The following HPN variants were observed in gnomAD, a reference collection of about 807,000 sequenced individuals.
HPN encodes serine protease hepsin.
In HPN, 13 loss-of-function variants were observed where a neutral mutation model predicts 55.9. The observed-to-expected ratio is 0.23, with a 90% confidence interval of 0.15 to 0.37. The LOEUF (loss-of-function observed/expected upper bound fraction) is 0.37. Ranked by LOEUF, HPN falls within the 10% of genes least tolerant of loss-of-function variation. The pLI is 1.00. For synonymous variants in HPN, 225 were observed against 240.3 expected, an observed-to-expected ratio of 0.94 and a Z score of 0.59; for missense variants, 451 against 575.8, an observed-to-expected ratio of 0.78 and a Z score of 2.22.
chr19:35,042,419 C>T (rs2064303588), intron 1 of HPN, 34 bp from the exon 2 acceptor site: 4 of 1,538,908 alleles, frequency 2.6e-6, no homozygotes, highest in Non-Finnish European at 2.6e-6. Flanking sequence ...GCTGGGCTCC[C>T]CCAGGCCCTG....
Position 35,048,075 on chromosome 19 carries a change from A to AAG in HPN, c.17-1215_17-1214insAG, listed in dbSNP as rs71165702. ...AAGAAAGAAAGAAAGAAAGAAAGAA[A>AAG]GAAAGAAAAGGAAGGAAGGAAGGAA... On this transcript the variant is annotated intron_variant, in intron 2 of 12. Transcript: ENST00000672452. Among the ~76,000 whole-genome samples the AAG allele has an allele frequency of 1.7e-3, 95 of 56,898 alleles. 2 individuals are homozygous for AAG. The highest frequency in any genetic ancestry group is 2.3e-3 in the Non-Finnish European group (66 of 28,406). 37.3% of individuals were successfully genotyped at this position (56,898 alleles called of 152,430 possible).
chr19:35,057,826 C>T (rs2064471717), intron 4 of HPN, among the ~76,000 whole-genome samples: 1 of 152,148 alleles, frequency 6.6e-6, no homozygotes, highest in African/African-American at 2.4e-5. Context: ...TGTACACCAT[C>T]AATGTATATA....
At position 35,066,465 on chromosome 19, in the gene HPN, A is replaced by G; in HGVS notation, c.*178A>G. On this transcript the variant is annotated 3_prime_UTR_variant, in exon 13 of 13. Transcript: ENST00000672452. ...GCCCACTCAGCCCCGAGACCACCCA[A>G]CCTCACCCTCCTGACCCCCATGTAA... is the stretch of plus-strand genomic sequence containing the variant. 1.4e-6 allele frequency: 1 copy of G among 726,492 alleles called. No individual in the cohort carries two copies. The highest frequency in any genetic ancestry group is 1.8e-5 in the African/African-American group (1 of 56,124). 45.0% of individuals were successfully genotyped at this position (726,492 alleles called of 1,614,324 possible).
At chr19:35,049,266 G>A in intron 2 of HPN, 24 bp from the exon 3 acceptor site, 1 of 1,504,582 alleles carries the variant, frequency 6.6e-7, no homozygotes, top group Non-Finnish European at 8.9e-7. Flanking sequence ...CCTGGCTGTG[G>A]CCCCAGCATG....
At chr19:35,048,028 A>AAAAAG (rs1555722915) in intron 2 of HPN, among the ~76,000 whole-genome samples, 1 of 87,396 alleles carries the variant, frequency 1.1e-5, no homozygotes, top group South Asian at 3.8e-4. Context: ...GAGAGAGAGA[A>AAAAAG]AAAGAAAGAA....
chr19:35,051,400 C>T (rs377097124), intron 4 of HPN, among the ~76,000 whole-genome samples: 2 of 152,218 alleles, frequency 1.3e-5, no homozygotes, highest in African/African-American at 4.8e-5. Context: ...TGAGCCACCA[C>T]ACCCAACCTC....
intron 4 of HPN, among the ~76,000 whole-genome samples, chr19:35,058,292 G>A (rs1286403989): frequency 1.3e-5 from 2 of 149,748 alleles, no homozygotes; most frequent in East Asian, 3.9e-4. Context: ...CAATTCTCCT[G>A]CCTCAGCCTC....
At chr19:35,055,986 C>T (rs1265007674) in intron 4 of HPN, among the ~76,000 whole-genome samples, 1 of 152,134 alleles carries the variant, frequency 6.6e-6, no homozygotes. Flanking sequence ...ACCTGATCTG[C>T]CCCTCCCTGG....
At position 35,066,351 on chromosome 19, in the gene HPN, G is replaced by C; in HGVS notation, c.*64G>C. On this transcript the variant is annotated 3_prime_UTR_variant, in exon 13 of 13. Transcript: ENST00000672452. ...TGATCCCGGTGGTGGGATCCACGCT[G>C]GGCCTAGGATGGGACGTTTTTCTTC... 1.3e-6 allele frequency: 2 copies of C among 1,566,212 alleles called. No homozygotes were observed. The highest frequency in any genetic ancestry group is 1.7e-6 in the Non-Finnish European group (2 of 1,157,066).
In HPN at chr19:35,060,417, G is replaced by C. The variant is rs35890010; in HGVS notation, c.525G>C (p.Pro175=). The change falls in exon 8 of 13, where the codon CCG becomes CCC. Residue 175 remains proline (P), a synonymous_variant. Transcript: ENST00000672452. ...GGGACACCAGCTTGGGCCGGTGGCC[G>C]TGGCAAGTCAGCCTTCGCTATGATG... is the stretch of plus-strand genomic sequence containing the variant. ...GGRDTSLGRW[P]WQVSLRYDGA... The C allele has an allele frequency of 6.2e-7, 1 of 1,613,152 alleles. No homozygotes were observed. Among genetic ancestry groups the C allele is most frequent in the Non-Finnish European group, 8.5e-7 (1 of 1,179,964 alleles).
chr19:35,059,623 G>C (rs1234993592), intron 4 of HPN, 50 bp from the exon 5 acceptor site: 3 of 1,557,268 alleles, frequency 1.9e-6, no homozygotes, highest in Middle Eastern at 1.7e-4. Flanking sequence ...GAAGCATGTG[G>C]GGAGCCTGGC....
Position 35,048,028 on chromosome 19 carries a change from A to AGAAAGAAAGAAAGAAAGAAAG in HPN, c.17-1262_17-1261insGAAAGAAAGAAAGAAAGAAAG, listed in dbSNP as rs150953006. Reference sequence around the variant, plus strand: ...AGAAAAAGAAAGAGAGAGAGAGAGAAAAAGAAAGAAAGAAAGAAAGAAAGA... The same window carrying AGAAAGAAAGAAAGAAAGAAAG: ...AGAAAAAGAAAGAGAGAGAGAGAGAAGAAAGAAAGAAAGAAAGAAAGAAAGAAAGAAAGAAAGAAAGAAAGA... On this transcript the variant is annotated intron_variant, in intron 2 of 12. Transcript: ENST00000672452. Among the ~76,000 whole-genome samples, 17 of 87,394 alleles carry AGAAAGAAAGAAAGAAAGAAAG rather than the reference A, an allele frequency of 1.9e-4. 2 individuals are homozygous for AGAAAGAAAGAAAGAAAGAAAG. The highest frequency in any genetic ancestry group is 3.7e-4 in the Non-Finnish European group (16 of 42,938). The allele number at this position is 87,394 out of a possible 152,430, so 57.3% of individuals were successfully genotyped here. A position where few individuals can be genotyped will look rare whatever the true frequency, so the allele number is the denominator to read the frequency against.
intron 11 of HPN, 41 bp from the exon 12 acceptor site, chr19:35,065,827 A>G: frequency 6.2e-7 from 1 of 1,610,912 alleles, no homozygotes; most frequent in Non-Finnish European, 8.5e-7. Flanking sequence ...CTCCTGTCCA[A>G]CCACTTTGGC....
Position 35,060,179 on chromosome 19 carries a change from T to G in HPN, c.454+10T>G. 1 of 1,614,030 alleles carries G rather than the reference T, an allele frequency of 6.2e-7. No homozygotes were observed. ...GCCGCCATCTGCCAAGGTGAGATCC[T>G]AAAACTCAGAACCCTCTCCTTTAGG... On this transcript the variant is annotated intron_variant, in intron 7 of 12. Coordinates refer to ENST00000672452, the MANE Select transcript of HPN (RefSeq NM_001384133.1).
intron 7 of HPN, 67 bp from the exon 8 acceptor site, chr19:35,060,280 A>G: frequency 6.2e-7 from 1 of 1,607,448 alleles, no homozygotes; most frequent in Non-Finnish European, 8.5e-7. Context: ...GGCAGGGCCA[A>G]GCCTGGGCTC....
chr19:35,051,921 C>T (rs535849945), intron 4 of HPN, among the ~76,000 whole-genome samples: 24 of 152,266 alleles, frequency 1.6e-4, no homozygotes, highest in African/African-American at 5.3e-4. Flanking sequence ...CGTGACAACA[C>T]GTGGCATTGA....
At chr19:35,052,227 A>G (rs969769682) in intron 4 of HPN, among the ~76,000 whole-genome samples, 1 of 152,144 alleles carries the variant, frequency 6.6e-6, no homozygotes, top group Non-Finnish European at 1.5e-5. Flanking sequence ...AGAGGAGATA[A>G]AAATCTGTGT....
Position 35,066,048 on chromosome 19 carries a change from A to G in HPN, c.1215+16A>G, listed in dbSNP as rs2064605190. On this transcript the variant is annotated intron_variant, in intron 12 of 12. Coordinates refer to ENST00000672452, the MANE Select transcript of HPN (RefSeq NM_001384133.1). ...GGCCATAAAGGTGAAAGTTGGGTCC[A>G]GATGGGAGCCAGGGTGGGGACGTTT... The G allele has an allele frequency of 6.2e-7, 1 of 1,609,780 alleles. No homozygotes were observed. Among genetic ancestry groups the G allele is most frequent in the Admixed American group, 1.7e-5 (1 of 60,008 alleles).
chr19:35,059,850 A>G, intron 5 of HPN, 24 bp from the exon 6 acceptor site: 2 of 1,507,102 alleles, frequency 1.3e-6, no homozygotes, highest in Non-Finnish European at 1.8e-6. Flanking sequence ...GCTGGGGAGC[A>G]GGCCTAACCC....
Sources: allele counts gnomAD v4.1 joint callset (sites outside exome capture counted in the v4.1 genomes callset), GRCh38; gene constraint gnomAD v4.1.1; transcripts MANE v1.5; gene names NCBI Gene and HGNC (gene_info 2026-07-23, HGNC 2026-07-21).